The following SEMA3E variants were observed in gnomAD, a reference collection of about 807,000 sequenced individuals.
The protein encoded by SEMA3E is semaphorin-3E.
In SEMA3E, 49 loss-of-function variants were observed where a neutral mutation model predicts 93.6. The observed-to-expected ratio is 0.52, with a 90% CI of 0.42 to 0.66. SEMA3E has a LOEUF of 0.66. Ranked by LOEUF, SEMA3E falls within the 30% of genes least tolerant of loss-of-function variation. The pLI is 0.00. For synonymous variants in SEMA3E, 363 were observed against 330.7 expected (o/e 1.10, Z -1.06); for missense variants, 906 against 964.8 (o/e 0.94, Z 0.81).
intron 14 of SEMA3E, among the ~76,000 whole-genome samples, chr7:83,390,523 G>C (rs1190994744): frequency 6.6e-6 from 1 of 152,062 alleles, no homozygotes; most frequent in Non-Finnish European, 1.5e-5. Context: ...TTTTTCCCCT[G>C]TTGACTCATT....
rs143709389 is a variant in SEMA3E at position 83,474,252 on chromosome 7, A to G, written c.277-4950T>C. Among the ~76,000 whole-genome samples the G allele has an allele frequency of 2.8e-3, 420 of 152,294 alleles. 3 individuals carry two copies. The highest frequency in any genetic ancestry group is 9.4e-3 in the African/African-American group (389 of 41,558). The stretch of plus-strand genomic sequence containing the variant: ...TATGTAGCCAAATCCATTTCCTGAT[A>G]CATGAGTAATAATGGGAATTTATCA... On this transcript the variant is annotated intron_variant, in intron 2 of 16. Transcript: ENST00000643230.
chr7:83,504,134 A>G (rs967178597), intron 1 of SEMA3E, among the ~76,000 whole-genome samples: 1 of 152,228 alleles, frequency 6.6e-6, no homozygotes, highest in African/African-American at 2.4e-5. Flanking sequence ...TGTAGTTTTC[A>G]GACTGACATA....
rs547694795 is a variant in SEMA3E, at chr7:83,626,963, AC to A, written c.115+21464del. Among the ~76,000 whole-genome samples the A allele has an allele frequency of 2.3e-3, 350 of 152,326 alleles. 3 individuals carry two copies. Among genetic ancestry groups the A allele is most frequent in the Non-Finnish European group, 3.9e-3 (268 of 68,040 alleles). ...TATTTCTGCCTTAATTTCGTTATTTACCCACTAGTCATTCAGGAGCAGATTG... is the reference window on the plus strand; with the variant it reads ...TATTTCTGCCTTAATTTCGTTATTTACCACTAGTCATTCAGGAGCAGATTG... On this transcript the variant is annotated intron_variant, in intron 1 of 16. Coordinates refer to ENST00000643230, the MANE Select transcript of SEMA3E (RefSeq NM_012431.3).
At chr7:83,505,816 A>C (rs34153461) in intron 1 of SEMA3E, among the ~76,000 whole-genome samples, 55,208 of 151,464 alleles carry the variant, frequency 0.36, 11,856 homozygotes, top group Non-Finnish European at 0.46. Flanking sequence ...GAGATCGAGA[A>C]CATCCTGGCT....
At chr7:83,501,194 T>A (rs193018845) in intron 1 of SEMA3E, among the ~76,000 whole-genome samples, 1 of 152,196 alleles carries the variant, frequency 6.6e-6, no homozygotes, top group South Asian at 2.1e-4. Context: ...TTAAAATACA[T>A]ATTTAACAAT....
At chr7:83,395,047 G>T (rs1375669801) in intron 12 of SEMA3E, among the ~76,000 whole-genome samples, 2 of 152,066 alleles carry the variant, frequency 1.3e-5, no homozygotes, top group Non-Finnish European at 2.9e-5. Flanking sequence ...TTGTTAAGAG[G>T]GAACATTTGA....
At chr7:83,476,688 G>A (rs1790017830) in intron 2 of SEMA3E, among the ~76,000 whole-genome samples, 1 of 152,138 alleles carries the variant, frequency 6.6e-6, no homozygotes, top group Non-Finnish European at 1.5e-5. Context: ...AAGCTAGTAA[G>A]GGAAATGATT....
chr7:83,478,039 GC>G, intron 2 of SEMA3E, among the ~76,000 whole-genome samples: 1 of 152,004 alleles, frequency 6.6e-6, no homozygotes, highest in Admixed American at 6.5e-5. Context: ...TCCTGCCTCA[GC>G]CTCCCAACTA....
intron 1 of SEMA3E, among the ~76,000 whole-genome samples, chr7:83,544,418 A>G (rs3801537): frequency 0.25 from 38,593 of 151,934 alleles, 5,057 homozygotes; most frequent in East Asian, 0.39. Context: ...CTATTTACTC[A>G]TATGATTTGT....
intron 1 of SEMA3E, among the ~76,000 whole-genome samples, chr7:83,625,717 C>T (rs895430692): frequency 6.6e-6 from 1 of 151,798 alleles, no homozygotes; most frequent in African/African-American, 2.4e-5. Context: ...GGCATGATTG[C>T]CCTGGCCAGA....
chr7:83,586,590 T>C (rs1322615004), intron 1 of SEMA3E, among the ~76,000 whole-genome samples: 1 of 151,882 alleles, frequency 6.6e-6, no homozygotes, highest in Non-Finnish European at 1.5e-5. Context: ...TTTATATCAC[T>C]TTAAAGCAGC....
At chr7:83,376,551 G>A (rs1794825557) in intron 16 of SEMA3E, among the ~76,000 whole-genome samples, 1 of 151,926 alleles carries the variant, frequency 6.6e-6, no homozygotes, top group African/African-American at 2.4e-5. Context: ...TCATTGATAA[G>A]CTAACCATGG....
At chr7:83,472,763 T>G (rs1024068912) in intron 2 of SEMA3E, among the ~76,000 whole-genome samples, 3 of 152,220 alleles carry the variant, frequency 2.0e-5, no homozygotes, top group African/African-American at 7.2e-5. Context: ...TGAATTGTAA[T>G]TCCCATAATC....
At chr7:83,502,697 G>GCATTTT (rs2115608470) in intron 1 of SEMA3E, among the ~76,000 whole-genome samples, 1 of 152,232 alleles carries the variant, frequency 6.6e-6, no homozygotes, top group East Asian at 1.9e-4. Flanking sequence ...ATGCTACTAG[G>GCATTTT]TTTTGTGTTT....
At chr7:83,418,580 G>T in intron 4 of SEMA3E, 97 bp from the exon 5 acceptor site, 1 of 863,216 alleles carries the variant, frequency 1.2e-6, no homozygotes, top group Non-Finnish European at 1.9e-6. Context: ...TATTTATAAA[G>T]CATGTATTCT....
At chr7:83,443,198 CT>C (rs1302799500) in intron 4 of SEMA3E, among the ~76,000 whole-genome samples, 1 of 152,108 alleles carries the variant, frequency 6.6e-6, no homozygotes, top group East Asian at 1.9e-4. Context: ...TGTACAGGAC[CT>C]TTCTGACATG....
chr7:83,479,768 C>A (rs1197838083), intron 2 of SEMA3E, among the ~76,000 whole-genome samples: 4 of 152,202 alleles, frequency 2.6e-5, no homozygotes, highest in Non-Finnish European at 5.9e-5. Context: ...GGAGCCCTAA[C>A]AATGTGGCTA....
intron 1 of SEMA3E, among the ~76,000 whole-genome samples, chr7:83,599,994 G>A (rs936144356): frequency 6.6e-6 from 1 of 152,156 alleles, no homozygotes; most frequent in African/African-American, 2.4e-5. Flanking sequence ...TTAATTTTGA[G>A]TAATTATCAT....
intron 1 of SEMA3E, among the ~76,000 whole-genome samples, chr7:83,505,742 A>G (rs781621831): frequency 1.4e-4 from 21 of 152,062 alleles, no homozygotes; most frequent in Admixed American, 3.9e-4. Flanking sequence ...GTGGCCGGGC[A>G]CAGTGGCTCA....
Sources: gnomAD v4.1 joint callset for allele counts (sites outside exome capture counted in the v4.1 genomes callset) on GRCh38, gnomAD v4.1.1 for gene constraint, MANE v1.5 for transcripts, NCBI Gene and HGNC (gene_info 2026-07-23, HGNC 2026-07-21) for gene names.